Variants in EZR observed in about 807,000 individuals in gnomAD.
The protein encoded by EZR is cytovillin 2.
Under a neutral mutation model 74.8 loss-of-function variants are expected in EZR, and 40 were observed. That is an observed-to-expected ratio of 0.53 (90% CI 0.42 to 0.70). EZR has a LOEUF of 0.70. Among genes scored for constraint, EZR ranks in the 30% least tolerant of loss-of-function variants. The probability of loss-of-function intolerance (pLI) is 0.00; values close to 1 mark genes in which losing one functional copy is unlikely to be tolerated. For synonymous variants in EZR, 341 were observed against 283.3 expected (o/e 1.20, Z -2.05); for missense variants, 678 against 755.8 (o/e 0.90, Z 1.21).
At chr6:158,783,957 A>C (rs1791497565) in intron 6 of EZR, among the ~76,000 whole-genome samples, 1 of 152,212 alleles carries the variant, frequency 6.6e-6, no homozygotes, top group Non-Finnish European at 1.5e-5. Context: ...TTTAAGTTTT[A>C]TCACTCAGCA....
chr6:158,796,436 CCAGCCTCACT>C, intron 2 of EZR, among the ~76,000 whole-genome samples: 1 of 152,258 alleles, frequency 6.6e-6, no homozygotes, highest in African/African-American at 2.4e-5. Flanking sequence ...AGGGGTGGCC[CCAGCCTCACT>C]CAGGCCAACC....
At chr6:158,782,352 C>T (rs1384342887) in intron 7 of EZR, among the ~76,000 whole-genome samples, 1 of 152,164 alleles carries the variant, frequency 6.6e-6, no homozygotes, top group Non-Finnish European at 1.5e-5. Context: ...CAGCACCACT[C>T]CCTTTGAGAA....
intron 2 of EZR, among the ~76,000 whole-genome samples, chr6:158,805,116 G>T (rs934975539): frequency 6.6e-6 from 1 of 152,026 alleles, no homozygotes; most frequent in African/African-American, 2.4e-5. Context: ...GCTGAGGTGG[G>T]TGGATCACGA....
chr6:158,782,001 C>T lies in EZR; in HGVS notation c.698+1519G>A, dbSNP rs767592233. ...GCAAGACTCCTGAGCTCAAGGGATT[C>T]GCCTGCCTCGGCCTCCCAGAGTGCT... On this transcript the variant is annotated intron_variant, in intron 7 of 13. Coordinates refer to ENST00000367075, the MANE Select transcript of EZR (RefSeq NM_001111077.2). 1.1e-4 allele frequency among the ~76,000 whole-genome samples: 16 copies of T among 152,270 alleles called. No individual in the cohort carries two copies. The South Asian group carries it at 1.2e-3, about 12-fold the overall frequency.
intron 2 of EZR, among the ~76,000 whole-genome samples, chr6:158,789,843 C>T (rs1414814958): frequency 6.6e-6 from 1 of 152,256 alleles, no homozygotes; most frequent in Non-Finnish European, 1.5e-5. Flanking sequence ...TGGTCTTGAG[C>T]TCCTAGGCTC....
chr6:158,794,573 C>T (rs1264282124), intron 2 of EZR, among the ~76,000 whole-genome samples: 1 of 152,176 alleles, frequency 6.6e-6, no homozygotes, highest in African/African-American at 2.4e-5. Context: ...CACCACCACA[C>T]ATATCCAAAC....
At chr6:158,773,671 C>G (rs1791185985) in intron 8 of EZR, among the ~76,000 whole-genome samples, 1 of 152,246 alleles carries the variant, frequency 6.6e-6, no homozygotes, top group East Asian at 1.9e-4. Context: ...AATCCCAAGG[C>G]TCATCTGGCC....
chr6:158,770,924 A>AT (rs1244747097), intron 9 of EZR, 30 bp from the exon 10 acceptor site: 1 of 1,614,090 alleles, frequency 6.2e-7, no homozygotes, highest in Non-Finnish European at 8.5e-7. Flanking sequence ...GCACAGGGAG[A>AT]TTTAGACTCT....
intron 2 of EZR, among the ~76,000 whole-genome samples, chr6:158,801,736 TCCCCACA>T (rs1777192030): frequency 6.6e-6 from 1 of 152,182 alleles, no homozygotes; most frequent in Non-Finnish European, 1.5e-5. Context: ...TAACCAGCAC[TCCCCACA>T]GGGGTCAAAG....
intron 2 of EZR, among the ~76,000 whole-genome samples, chr6:158,790,561 C>A (rs1791713319): frequency 6.6e-6 from 1 of 152,206 alleles, no homozygotes; most frequent in Admixed American, 6.5e-5. Context: ...GTAGTCCCAG[C>A]TACTTGGGAG....
intron 2 of EZR, among the ~76,000 whole-genome samples, chr6:158,798,673 C>T (rs932719268): frequency 6.7e-6 from 1 of 149,292 alleles, no homozygotes; most frequent in East Asian, 2.0e-4. Context: ...GCTCTGTTGC[C>T]CAGGCTGGAG....
chr6:158,773,179 T>A (rs1791171130), intron 8 of EZR, among the ~76,000 whole-genome samples: 1 of 152,160 alleles, frequency 6.6e-6, no homozygotes, highest in East Asian at 1.9e-4. Flanking sequence ...CTCCCCTTTA[T>A]GGGGTTGTGG....
At chr6:158,802,627 G>A (rs1409591467) in intron 2 of EZR, among the ~76,000 whole-genome samples, 1 of 152,168 alleles carries the variant, frequency 6.6e-6, no homozygotes, top group Non-Finnish European at 1.5e-5. Flanking sequence ...CACCTCCCGG[G>A]TTCAAGCGAT....
Position 158,771,299 on chromosome 6 carries a change from C to A in EZR, c.904G>T (p.Val302Leu), listed in dbSNP as rs746882749. The A allele has an allele frequency of 6.2e-7, 1 of 1,614,158 alleles. No individual in the cohort carries two copies. ...MRRRKPDTIE[V>L]QQMKAQAREE... ...CGGGCCTGGGCCTTCATCTGCTGCA[C>A]CTCGATGGTGTCAGGCTTCCTGCGG... Residue 302 changes from valine to leucine, a missense_variant, in exon 9 of 14, where the codon GTG becomes TTG. Val to Leu is a conservative substitution (Grantham distance 32, BLOSUM62 1). Around this residue, in one of 3 missense-constraint regions of EZR, gnomAD observed 119 missense variants for 182.3 expected, o/e 0.65. Coordinates refer to ENST00000367075, the MANE Select transcript of EZR (RefSeq NM_001111077.2).
rs1025653147 is a variant in EZR, at chr6:158,818,150, G to A, written c.-57C>T. The A allele has an allele frequency of 1.4e-5, 23 of 1,598,274 alleles. No individual in the cohort carries two copies. In the Admixed American group the frequency reaches 2.5e-4, roughly 17 times the overall value. ...GAAAACACGACTATCCAGCAGCAGC[G>A]AAGACGCTGTCCCAACCTGGAGTCA... is the stretch of plus-strand genomic sequence containing the variant. On this transcript the variant is annotated 5_prime_UTR_variant, in exon 2 of 14. Coordinates refer to ENST00000367075, the MANE Select transcript of EZR (RefSeq NM_001111077.2).
intron 13 of EZR, 53 bp from the exon 14 acceptor site, chr6:158,767,131 C>G (rs1305336189): frequency 6.2e-7 from 1 of 1,603,372 alleles, no homozygotes; most frequent in African/African-American, 1.3e-5. Flanking sequence ...ATGGCCCGGC[C>G]CGTCCCCTAG....
intron 2 of EZR, among the ~76,000 whole-genome samples, chr6:158,801,397 A>C (rs1486986491): frequency 1.3e-5 from 2 of 152,200 alleles, no homozygotes; most frequent in Non-Finnish European, 1.5e-5. Context: ...AACAAACAAA[A>C]AAAATCTGCT....
intron 2 of EZR, among the ~76,000 whole-genome samples, chr6:158,797,780 A>G (rs375838250): frequency 3.9e-5 from 6 of 152,248 alleles, no homozygotes; most frequent in Non-Finnish European, 8.8e-5. Context: ...ACAAAACTGT[A>G]TATTTTTCCT....
chr6:158,779,893 G>C (rs1791383226), intron 7 of EZR, among the ~76,000 whole-genome samples: 1 of 144,986 alleles, frequency 6.9e-6, no homozygotes. Context: ...ACTTTAAAAT[G>C]CAAGAATGGG....
Sources: allele counts gnomAD v4.1 joint callset (sites outside exome capture counted in the v4.1 genomes callset), GRCh38; gene constraint gnomAD v4.1.1; regional missense constraint gnomAD v4.1.1; transcripts MANE v1.5; gene names NCBI Gene and HGNC (gene_info 2026-07-23, HGNC 2026-07-21).